The following LRP2 variants were observed in gnomAD, a reference collection of about 807,000 sequenced individuals.
LRP2 encodes low-density lipoprotein receptor-related protein 2.
Under a neutral mutation model 531.0 loss-of-function variants are expected in LRP2, and 172 were observed. The ratio of observed to expected loss-of-function variants is 0.32; its 90% CI spans 0.29 to 0.37. LRP2 has a LOEUF of 0.37. Among genes scored for constraint, LRP2 ranks in the 10% least tolerant of loss-of-function variants. The pLI is 1.00. For synonymous variants in LRP2, 1,992 were observed against 2,027.6 expected (o/e 0.98, Z 0.47); for missense variants, 5,167 against 5,868.3 (o/e 0.88, Z 3.90).
At chr2:169,285,761 C>T (rs916730836) in intron 9 of LRP2, among the ~76,000 whole-genome samples, 1 of 152,194 alleles carries the variant, frequency 6.6e-6, no homozygotes, top group Admixed American at 6.5e-5. Flanking sequence ...GCCCAGTAAA[C>T]TGCTTCAGCA....
Position 169,176,594 on chromosome 2 carries a change from G to A in LRP2, c.10394-6C>T. ...GGTACCACAGGGATTGCTCACTAGTGGAAAAGGAAGAAAATATGTGTTCAT... is the reference window on the plus strand; with the variant it reads ...GGTACCACAGGGATTGCTCACTAGTAGAAAAGGAAGAAAATATGTGTTCAT... On this transcript the variant is annotated splice_region_variant and splice_polypyrimidine_tract_variant and intron_variant, in intron 53 of 78. Coordinates refer to ENST00000649046, the MANE Select transcript of LRP2 (RefSeq NM_004525.3). The A allele has an allele frequency of 1.9e-6, 3 of 1,613,630 alleles. No homozygotes were observed. The highest frequency in any genetic ancestry group is 2.5e-6 in the Non-Finnish European group (3 of 1,179,652).
At chr2:169,351,955 T>C (rs187901262) in intron 1 of LRP2, among the ~76,000 whole-genome samples, 3 of 152,008 alleles carry the variant, frequency 2.0e-5, no homozygotes, top group Admixed American at 2.0e-4. Context: ...ATTTGAGGGA[T>C]GGTGAAGAGG....
intron 76 of LRP2, among the ~76,000 whole-genome samples, chr2:169,133,162 A>G (rs923797511): frequency 2.0e-5 from 3 of 152,258 alleles, no homozygotes; most frequent in African/African-American, 7.2e-5. Flanking sequence ...TTAAGATTTC[A>G]TAGTACTACT....
intron 4 of LRP2, among the ~76,000 whole-genome samples, chr2:169,302,981 T>C (rs902629813): frequency 1.3e-5 from 2 of 152,146 alleles, no homozygotes; most frequent in African/African-American, 4.8e-5. Context: ...ATAATGATAT[T>C]ATGATTATGT....
Position 169,275,231 on chromosome 2 carries a change from C to T in LRP2, c.1780G>A (p.Val594Ile), listed in dbSNP as rs1158062286. Residue 594 changes from valine to isoleucine, a missense_variant, in exon 14 of 79, where the codon GTA (valine) becomes ATA (isoleucine). Physicochemically the swap from Val to Ile is conservative, Grantham distance 29. Coordinates refer to ENST00000649046, the MANE Select transcript of LRP2 (RefSeq NM_004525.3). ...VTYDGIQRKT[V>I]VHGGSLIPHP... ...GGAATGAGGGAGCCTCCATGAACTACAGTCTTCCTGTTATAAAAGACACAT... is the reference window on the plus strand; with the variant it reads ...GGAATGAGGGAGCCTCCATGAACTATAGTCTTCCTGTTATAAAAGACACAT... The T allele has an allele frequency of 6.2e-7, 1 of 1,612,630 alleles. No individual in the cohort carries two copies. The highest frequency in any genetic ancestry group is 8.5e-7 in the Non-Finnish European group (1 of 1,178,940).
rs79368524 is a variant in LRP2, at chr2:169,258,911, T to A, written c.2513+114A>T. 5,408 of 944,890 alleles carry A rather than the reference T, an allele frequency of 5.7e-3. 26 individuals carry two copies. Among genetic ancestry groups the A allele is most frequent in the Non-Finnish European group, 7.9e-3 (4,598 of 585,568 alleles). The allele number at this position is 944,890 out of a possible 1,614,324, so 58.5% of individuals were successfully genotyped here. ...AATAAAATTTAAGGTGATTTCAACT[T>A]ATACAGTTCAATCTTATATTTGCTG... On this transcript the variant is annotated intron_variant, in intron 17 of 78. Transcript: ENST00000649046.
chr2:169,255,543 G>T lies in LRP2; in HGVS notation c.2770+563C>A, dbSNP rs554734253. On this transcript the variant is annotated intron_variant, in intron 19 of 78. Transcript: ENST00000649046. ...GGTTGACGAAAAAAAATTATGTCTTGCTGTTCTTCATAAAGCATAACCTAA... is the reference window on the plus strand; with the variant it reads ...GGTTGACGAAAAAAAATTATGTCTTTCTGTTCTTCATAAAGCATAACCTAA... Among the ~76,000 whole-genome samples, 3 of 152,216 alleles carry T rather than the reference G, an allele frequency of 2.0e-5. No individual in the cohort carries two copies. The South Asian group carries it at 6.2e-4, about 32-fold the overall frequency.
intron 22 of LRP2, among the ~76,000 whole-genome samples, chr2:169,243,794 G>A (rs1179992350): frequency 2.0e-5 from 3 of 152,176 alleles, no homozygotes; most frequent in Non-Finnish European, 4.4e-5. Flanking sequence ...TGAGCATCAT[G>A]TGCTTGGACT....
chr2:169,323,920 A>G (rs1372956678), intron 1 of LRP2, among the ~76,000 whole-genome samples: 1 of 152,176 alleles, frequency 6.6e-6, no homozygotes, highest in East Asian at 1.9e-4. Flanking sequence ...TCCACATTGA[A>G]ATAAAAACCT....
In LRP2 at chr2:169,289,093, C is replaced by A; in HGVS notation, c.975G>T (p.Pro325=). Residue 325 remains proline, a synonymous_variant, in exon 9 of 79, where the codon CCG becomes CCT. Transcript: ENST00000649046. ...GGGGACAAAAACACGCTCCTCCATA[C>A]GGCGTCTCATGGCACTGGTACTGGC... is the stretch of plus-strand genomic sequence containing the variant. ...LNCQYQCHET[P]YGGACFCPPG... is the part of the protein sequence containing the mutation. 1 of 1,614,086 alleles carries A rather than the reference C, an allele frequency of 6.2e-7. No individual in the cohort carries two copies. The highest frequency in any genetic ancestry group is 8.5e-7 in the Non-Finnish European group (1 of 1,179,970).
At chr2:169,353,371 G>C (rs76438157) in intron 1 of LRP2, among the ~76,000 whole-genome samples, 3,806 of 152,206 alleles carry the variant, frequency 0.025, 53 homozygotes, top group Middle Eastern at 0.034. Flanking sequence ...TGAAACTTAG[G>C]GGGGAGTAGG....
chr2:169,212,090 G>T lies in LRP2; in HGVS notation c.6158C>A (p.Pro2053His). 1 of 1,614,066 alleles carries T rather than the reference G, an allele frequency of 6.2e-7. No homozygotes were observed. Among genetic ancestry groups the T allele is most frequent in the South Asian group, 1.1e-5 (1 of 91,082 alleles). ...CACATGFKLN[P>H]DNRSCSPYNS... ...ATATGGAGAGCAGGACCGATTATCA[G>T]GATTGAGTTTAAATCCAGTGGCACA... The change falls in exon 37 of 79, where the codon CCT becomes CAT. Residue 2053 changes from proline (P) to histidine (H), a missense_variant. Pro to His is a moderately conservative substitution (Grantham distance 77, BLOSUM62 -2). This residue lies in a region of LRP2 where 2,811 missense variants were observed against 3,058.0 expected (regional missense o/e 0.92). Transcript: ENST00000649046.
At chr2:169,179,000 T>G (rs1011123571) in intron 52 of LRP2, among the ~76,000 whole-genome samples, 156 of 151,342 alleles carry the variant, frequency 1.0e-3, no homozygotes, top group African/African-American at 3.6e-3. Context: ...TTTATTTATT[T>G]ATTTATTTAT....
At chr2:169,154,384 A>G in intron 66 of LRP2, 76 bp downstream of exon 66, 1 of 1,367,934 alleles carries the variant, frequency 7.3e-7, no homozygotes, top group South Asian at 1.2e-5. Flanking sequence ...TAAACAATAA[A>G]TTCCTTAAAA....
intron 13 of LRP2, among the ~76,000 whole-genome samples, chr2:169,276,430 T>C (rs745478018): frequency 6.6e-6 from 1 of 152,196 alleles, no homozygotes; most frequent in Admixed American, 6.5e-5. Context: ...TATAATATAA[T>C]GCTAAAACAT....
chr2:169,272,143 G>A (rs1360824384), intron 15 of LRP2, among the ~76,000 whole-genome samples: 1 of 152,070 alleles, frequency 6.6e-6, no homozygotes, highest in Admixed American at 6.6e-5. Context: ...GCTAGAAACC[G>A]CAACATCTGG....
At chr2:169,241,456 A>G in intron 24 of LRP2, 91 bp from the exon 25 acceptor site, 1 of 1,423,990 alleles carries the variant, frequency 7.0e-7, no homozygotes, top group Non-Finnish European at 9.8e-7. Context: ...TTTGGATCCA[A>G]TAGTAGGTTT....
intron 1 of LRP2, among the ~76,000 whole-genome samples, chr2:169,334,492 A>G (rs1685349776): frequency 6.6e-6 from 1 of 152,206 alleles, no homozygotes; most frequent in African/African-American, 2.4e-5. Flanking sequence ...GTGAGCTAAT[A>G]TGCAGAACAT....
At chr2:169,335,876 A>T (rs1377679775) in intron 1 of LRP2, among the ~76,000 whole-genome samples, 2 of 152,020 alleles carry the variant, frequency 1.3e-5, no homozygotes, top group Non-Finnish European at 2.9e-5. Context: ...TTAGCCAGGC[A>T]TGGTGGCATG....
Sources: allele counts gnomAD v4.1 joint callset (sites outside exome capture counted in the v4.1 genomes callset), GRCh38; gene constraint gnomAD v4.1.1; regional missense constraint gnomAD v4.1.1; transcripts MANE v1.5; gene names NCBI Gene and HGNC (gene_info 2026-07-23, HGNC 2026-07-21).